PYCR1: variants seen among roughly 807,000 people sequenced by gnomAD.
PYCR1 encodes the protein pyrroline-5-carboxylate reductase 1, mitochondrial.
In PYCR1, 19 loss-of-function variants were observed where a neutral mutation model predicts 22.9. The ratio of observed to expected loss-of-function variants is 0.83; its 90% CI spans 0.58 to 1.22. The LOEUF is 1.22. Ranked by LOEUF, PYCR1 falls within the 50% of genes most tolerant of loss-of-function variation. PYCR1 has a pLI of 0.00. For missense variants in PYCR1, 429 were observed against 431.3 expected (o/e 0.99, Z 0.05); for synonymous variants, 175 against 180.5 (o/e 0.97, Z 0.24).
chr17:81,932,763 C>G lies in PYCR1; in HGVS notation c.*451G>C, dbSNP rs951285494. On this transcript the variant is annotated 3_prime_UTR_variant, in exon 7 of 7. Transcript: ENST00000329875. ...ACTTGGGATGCCTGGACCCTCTGGC[C>G]CTTCTCACACGGGAAGGAGAGGTTT... 3 of 1,417,430 alleles carry G rather than the reference C, an allele frequency of 2.1e-6. No homozygotes were observed. The highest frequency in any genetic ancestry group is 2.9e-6 in the Non-Finnish European group (3 of 1,041,550). 87.8% of individuals were successfully genotyped at this position (1,417,430 alleles called of 1,614,324 possible).
Position 81,936,901 on chromosome 17 carries a change from G to A in PYCR1, c.-87C>T. 1 of 1,551,856 alleles carries A rather than the reference G, an allele frequency of 6.4e-7. No homozygotes were observed. Among genetic ancestry groups the A allele is most frequent in the Non-Finnish European group, 8.7e-7 (1 of 1,149,604 alleles). On this transcript the variant is annotated 5_prime_UTR_variant, in exon 1 of 7. Transcript: ENST00000329875. ...CGGCAGGATCGAGAGCAAGTTAGGGGGGCAGTGCCAGCCTGGCCGCTCCTC... is the reference window on the plus strand; with the variant it reads ...CGGCAGGATCGAGAGCAAGTTAGGGAGGCAGTGCCAGCCTGGCCGCTCCTC...
chr17:81,936,896 T>C lies in PYCR1; in HGVS notation c.-82A>G. ...GAGACCGGCAGGATCGAGAGCAAGT[T>C]AGGGGGGCAGTGCCAGCCTGGCCGC... On this transcript the variant is annotated 5_prime_UTR_variant, in exon 1 of 7. Transcript: ENST00000329875. 6.4e-7 allele frequency: 1 copy of C among 1,554,122 alleles called. No homozygotes were observed. Among genetic ancestry groups the C allele is most frequent in the Non-Finnish European group, 8.7e-7 (1 of 1,150,644 alleles).
At chr17:81,936,426 T>A (rs569273791) in intron 1 of PYCR1, among the ~76,000 whole-genome samples, 3 of 152,152 alleles carry the variant, frequency 2.0e-5, no homozygotes, top group African/African-American at 7.2e-5. Flanking sequence ...GGGGTTTCAC[T>A]GTGTTAGCCA....
chr17:81,935,509 C>T lies in PYCR1; in HGVS notation c.146G>A (p.Gly49Glu). Reference sequence around the variant, plus strand: ...CTTGTTGTGGGGTGTCAACTTCACCCCCATCTTCTGCAGGGGCAACAGGTG... The same window carrying T: ...CTTGTTGTGGGGTGTCAACTTCACCTCCATCTTCTGCAGGGGCAACAGGTG... ...LATVSALRKMGVKLTPHNKET... is the reference protein window; with the variant it reads ...LATVSALRKMEVKLTPHNKET... Residue 49 changes from glycine to glutamate, a missense_variant, in exon 3 of 7, where the codon GGG becomes GAG. Coordinates refer to ENST00000329875, the MANE Select transcript of PYCR1 (RefSeq NM_006907.4). The T allele has an allele frequency of 6.2e-7, 1 of 1,608,410 alleles. No homozygotes were observed. The highest frequency in any genetic ancestry group is 1.1e-5 in the South Asian group (1 of 90,194).
chr17:81,933,468 G>T, intron 6 of PYCR1, 92 bp from the exon 7 acceptor site: 1 of 1,476,444 alleles, frequency 6.8e-7, no homozygotes, highest in Non-Finnish European at 9.3e-7. Context: ...AGTCAGCCCT[G>T]GGCGATGCTG....
At chr17:81,935,623 T>TGGGGGGG in intron 2 of PYCR1, 107 bp from the exon 3 acceptor site, 1 of 511,668 alleles carries the variant, frequency 2.0e-6, no homozygotes, top group Non-Finnish European at 3.7e-6. Flanking sequence ...GAGTTGGGGG[T>TGGGGGGG]GGGCAGGGCT....
chr17:81,936,760 A>G lies in PYCR1; in HGVS notation c.55T>C (p.Phe19Leu). The change falls in exon 1 of 7, where the codon TTC becomes CTC. Residue 19 changes from phenylalanine (F) to leucine (L), a missense_variant. Coordinates refer to ENST00000329875, the MANE Select transcript of PYCR1 (RefSeq NM_006907.4). The part of the protein sequence containing the change: ...GQLAFALAKG[F>L]TAAGVLAAHK... ...CCTGGGGGCCTACCTGCTGCTGTGA[A>G]GCCCTTGGCCAGGGCAAAAGCCAGC... is the stretch of plus-strand genomic sequence containing the variant. 1 of 1,609,426 alleles carries G rather than the reference A, an allele frequency of 6.2e-7. No individual in the cohort carries two copies. Among genetic ancestry groups the G allele is most frequent in the Non-Finnish European group, 8.5e-7 (1 of 1,178,712 alleles).
At position 81,932,773 on chromosome 17, in the gene PYCR1, C is replaced by A. The variant is rs1007030529; in HGVS notation, c.*441G>T. 1 of 1,448,742 alleles carries A rather than the reference C, an allele frequency of 6.9e-7. No individual in the cohort carries two copies. The highest frequency in any genetic ancestry group is 9.4e-7 in the Non-Finnish European group (1 of 1,068,434). 89.7% of individuals were successfully genotyped at this position (1,448,742 alleles called of 1,614,324 possible). On this transcript the variant is annotated 3_prime_UTR_variant, in exon 7 of 7. Transcript: ENST00000329875. ...CCTGGACCCTCTGGCCCTTCTCACACGGGAAGGAGAGGTTTCTCCCTGAAT... is the reference window on the plus strand; with the variant it reads ...CCTGGACCCTCTGGCCCTTCTCACAAGGGAAGGAGAGGTTTCTCCCTGAAT...
chr17:81,933,126 A>C lies in PYCR1; in HGVS notation c.*88T>G. ...TGGCCCCTGCGCTGATCAGAGCCAC[A>C]GAAAGTGGGCCACTTTGGGGACCCC... On this transcript the variant is annotated 3_prime_UTR_variant, in exon 7 of 7. Transcript: ENST00000329875. The C allele has an allele frequency of 6.2e-7, 1 of 1,605,468 alleles. No individual in the cohort carries two copies. Among genetic ancestry groups the C allele is most frequent in the Non-Finnish European group, 8.5e-7 (1 of 1,178,960 alleles).
At position 81,934,414 on chromosome 17, in the gene PYCR1, C is replaced by T. The variant is rs1422654331; in HGVS notation, c.709G>A (p.Ala237Thr). The change falls in exon 6 of 7, where the codon GCC (alanine) becomes ACC (threonine). Residue 237 changes from alanine to threonine, a missense_variant. By Grantham distance (58) the Ala-to-Thr change is moderately conservative. Coordinates refer to ENST00000329875, the MANE Select transcript of PYCR1 (RefSeq NM_006907.4). ...LKDNVSSPGG[A>T]TIHALHVLES... ...AGCACATGCAAGGCATGGATGGTGG[C>T]CCCACCAGGAGAGCTGACGTTGTCC... The T allele has an allele frequency of 1.2e-6, 2 of 1,611,822 alleles. No individual in the cohort carries two copies. The highest frequency in any genetic ancestry group is 2.2e-5 in the East Asian group (1 of 44,846).
chr17:81,936,729 C>T lies in PYCR1; in HGVS notation c.67+19G>A. The stretch of plus-strand genomic sequence containing the variant: ...AGTCTCTCCCACTGGGCCTCACCGT[C>T]CCCCACCTGGGGGCCTACCTGCTGC... On this transcript the variant is annotated intron_variant, in intron 1 of 6. Coordinates refer to ENST00000329875, the MANE Select transcript of PYCR1 (RefSeq NM_006907.4). The T allele has an allele frequency of 6.3e-7, 1 of 1,596,604 alleles. No homozygotes were observed. The highest frequency in any genetic ancestry group is 8.5e-7 in the Non-Finnish European group (1 of 1,172,692).
chr17:81,934,820 C>G, intron 4 of PYCR1, 75 bp from the exon 5 acceptor site: 1 of 1,539,742 alleles, frequency 6.5e-7, no homozygotes, highest in South Asian at 1.2e-5. Flanking sequence ...CCAGTTCCCA[C>G]AGCCTTGGAG....
intron 3 of PYCR1, 84 bp downstream of exon 3, chr17:81,935,253 C>T (rs748465788): frequency 1.0e-4 from 165 of 1,586,536 alleles, no homozygotes; most frequent in Non-Finnish European, 1.3e-4. Context: ...GACGCTGCAA[C>T]CCTTTTGCAG....
intron 6 of PYCR1, 77 bp from the exon 7 acceptor site, chr17:81,933,453 G>C: frequency 6.4e-7 from 1 of 1,552,384 alleles, no homozygotes; most frequent in Non-Finnish European, 8.8e-7. Flanking sequence ...ACAGCTCCCA[G>C]TGCCAGTCAG....
In PYCR1 at chr17:81,937,251, G is replaced by A. The variant is rs1598359265; in HGVS notation, c.-437C>T. The A allele has an allele frequency of 7.3e-7, 1 of 1,373,032 alleles. No homozygotes were observed. Among genetic ancestry groups the A allele is most frequent in the East Asian group, 3.0e-5 (1 of 33,818 alleles). 85.1% of individuals were successfully genotyped at this position (1,373,032 alleles called of 1,614,324 possible). ...ACCCCAACCCAGCTACCGTGCGCGG[G>A]TCGTACCCACCCCTCAGCGCTGCGG... On this transcript the variant is annotated 5_prime_UTR_variant, in exon 1 of 7. Transcript: ENST00000329875.
chr17:81,933,001 G>T lies in PYCR1; in HGVS notation c.*213C>A, dbSNP rs1182046456. On this transcript the variant is annotated 3_prime_UTR_variant, in exon 7 of 7. Transcript: ENST00000329875. ...GGGAGCAGAGAAGAAAGGAGGTTGAGGTTGGGGAATCCACCCCTGTTCTGG... is the reference window on the plus strand; with the variant it reads ...GGGAGCAGAGAAGAAAGGAGGTTGATGTTGGGGAATCCACCCCTGTTCTGG... 13 of 1,597,122 alleles carry T rather than the reference G, an allele frequency of 8.1e-6. No homozygotes were observed. The highest frequency in any genetic ancestry group is 1.1e-5 in the Non-Finnish European group (13 of 1,173,420).
chr17:81,932,693 T>A lies in PYCR1; in HGVS notation c.*521A>T. The A allele has an allele frequency of 1.2e-6, 1 of 824,380 alleles. No homozygotes were observed. Among genetic ancestry groups the A allele is most frequent in the Non-Finnish European group, 1.9e-6 (1 of 528,038 alleles). The allele number at this position is 824,380 out of a possible 1,614,324, so 51.1% of individuals were successfully genotyped here. A position where few individuals can be genotyped will look rare whatever the true frequency, so the allele number is the denominator to read the frequency against. ...GCCCTTTCCCCAAATGTCCATGGGA[T>A]CTGCGTGCTTGGCAGCCAAGAGGGG... On this transcript the variant is annotated 3_prime_UTR_variant, in exon 7 of 7. Transcript: ENST00000329875.
rs769042281 is a variant in PYCR1, at chr17:81,935,011, A to G, written c.455T>C (p.Leu152Pro). The G allele has an allele frequency of 6.2e-7, 1 of 1,610,300 alleles. No homozygotes were observed. Among genetic ancestry groups the G allele is most frequent in the Non-Finnish European group, 8.5e-7 (1 of 1,179,996 alleles). The change falls in exon 4 of 7, where the codon CTG becomes CCG. Residue 152 changes from leucine (L) to proline (P), a missense_variant. Transcript: ENST00000329875. ...CGTGCAGAAGCCCACGCTGCTCAGC[A>G]GCTGCTCCATGAGCCTCCCGTCCTC... Reference protein sequence around the residue: ...QVEDGRLMEQLLSSVGFCTEV... With the variant: ...QVEDGRLMEQPLSSVGFCTEV...
At chr17:81,936,374 C>G (rs893697559) in intron 1 of PYCR1, among the ~76,000 whole-genome samples, 181 bp from the exon 2 acceptor site, 1 of 152,076 alleles carries the variant, frequency 6.6e-6, no homozygotes, top group Non-Finnish European at 1.5e-5. Context: ...TACAGGCGCC[C>G]GCCACCACAC....
Sources: gnomAD v4.1 joint callset for allele counts (sites outside exome capture counted in the v4.1 genomes callset) on GRCh38, gnomAD v4.1.1 for gene constraint, MANE v1.5 for transcripts, NCBI Gene and HGNC (gene_info 2026-07-23, HGNC 2026-07-21) for gene names.